The following ATRN variants were observed in gnomAD, a reference collection of about 807,000 sequenced individuals.
The protein encoded by ATRN is attractin-2.
A neutral mutation model predicts 178.7 loss-of-function variants in ATRN; 54 were observed. The observed-to-expected ratio is 0.30, with a 90% CI of 0.24 to 0.38. ATRN has a LOEUF of 0.38. Ranked by LOEUF, ATRN falls within the 10% of genes least tolerant of loss-of-function variation. The pLI, the probability that ATRN is intolerant of heterozygous loss-of-function variation, is 1.00. For synonymous variants in ATRN, 636 were observed against 663.0 expected, an observed-to-expected ratio of 0.96 and a Z score of 0.63; for missense variants, 1,443 against 1,815.1, an observed-to-expected ratio of 0.79 and a Z score of 3.73.
In ATRN at chr20:3,583,921, C is replaced by T. The variant is rs763285063; in HGVS notation, c.2788C>T (p.Arg930Trp). ...AGCAAACCACAGTGCTAAGCAGTGCCGGACACCATGTGCCTTGAGGACAGC... is the reference window on the plus strand; with the variant it reads ...AGCAAACCACAGTGCTAAGCAGTGCTGGACACCATGTGCCTTGAGGACAGC... ...RPANHSAKQCRTPCALRTACG... is the reference protein window; with the variant it reads ...RPANHSAKQCWTPCALRTACG... Residue 930 changes from arginine (R) to tryptophan (W), a missense_variant, in exon 17 of 29, where the codon CGG becomes TGG. Physicochemically the swap from Arg to Trp is moderately radical, Grantham distance 101 (BLOSUM62 -3). Coordinates refer to ENST00000262919, the MANE Select transcript of ATRN (RefSeq NM_139321.3). 6.2e-6 allele frequency: 10 copies of T among 1,614,060 alleles called. No individual in the cohort carries two copies. The highest frequency in any genetic ancestry group is 1.7e-5 in the Admixed American group (1 of 60,006).
At chr20:3,528,110 C>G (rs538489363) in intron 1 of ATRN, among the ~76,000 whole-genome samples, 1 of 152,038 alleles carries the variant, frequency 6.6e-6, no homozygotes, top group Non-Finnish European at 1.5e-5. Flanking sequence ...GTGGCTCACA[C>G]CTGTAATCCC....
intron 1 of ATRN, among the ~76,000 whole-genome samples, chr20:3,509,706 G>A (rs781548487): frequency 2.6e-5 from 4 of 152,036 alleles, no homozygotes; most frequent in Admixed American, 6.6e-5. Context: ...GTTTTGCCAC[G>A]TTGGCCAGGC....
At chr20:3,594,218 G>T (rs1216277944) in intron 19 of ATRN, among the ~76,000 whole-genome samples, 1 of 152,186 alleles carries the variant, frequency 6.6e-6, no homozygotes, top group Non-Finnish European at 1.5e-5. Context: ...CTATTGAAAA[G>T]ATCAAAATAG....
chr20:3,527,904 A>C, intron 1 of ATRN, among the ~76,000 whole-genome samples: 2 of 138,754 alleles, frequency 1.4e-5, no homozygotes, highest in African/African-American at 2.7e-5. Flanking sequence ...AACATCGCAT[A>C]CTGGGGCCTG....
intron 1 of ATRN, among the ~76,000 whole-genome samples, chr20:3,508,260 T>C (rs2085075562): frequency 6.7e-6 from 1 of 149,060 alleles, no homozygotes; most frequent in South Asian, 2.1e-4. Context: ...TTATAAACAA[T>C]GGAAACCCAA....
At chr20:3,635,838 CAT>C (rs932185670) in intron 26 of ATRN, among the ~76,000 whole-genome samples, 2 of 152,046 alleles carry the variant, frequency 1.3e-5, no homozygotes, top group African/African-American at 4.8e-5. Flanking sequence ...AAGTGGATAA[CAT>C]ATTCAAAGGG....
chr20:3,541,029 T>G lies in ATRN; in HGVS notation c.608+694T>G, dbSNP rs534445753. On this transcript the variant is annotated intron_variant, in intron 3 of 28. Coordinates refer to ENST00000262919, the MANE Select transcript of ATRN (RefSeq NM_139321.3). The stretch of plus-strand genomic sequence containing the variant: ...TTGTTTATTATGTTTTTGGCCACAT[T>G]GGAATTCAAAACTATCTCTAGTTTT... 4.0e-5 allele frequency among the ~76,000 whole-genome samples: 6 copies of G among 151,822 alleles called. No homozygotes were observed. In the East Asian group the frequency reaches 5.8e-4, roughly 15 times the overall value.
intron 5 of ATRN, 138 bp downstream of exon 5, chr20:3,547,627 C>A (rs112144103): frequency 4.0e-6 from 3 of 759,300 alleles, no homozygotes; most frequent in Non-Finnish European, 6.2e-6. Context: ...CTTGAAACAT[C>A]CCTCTATCTA....
chr20:3,629,239 A>C, intron 25 of ATRN: 1 of 985,352 alleles, frequency 1.0e-6, no homozygotes, highest in Non-Finnish European at 1.2e-6. Flanking sequence ...TTTAAAGATC[A>C]TGTATCTAGC....
chr20:3,623,059 C>T (rs372039500), intron 24 of ATRN, among the ~76,000 whole-genome samples: 14 of 152,214 alleles, frequency 9.2e-5, no homozygotes, highest in Admixed American at 3.3e-4. Context: ...ACACACTTAA[C>T]GTTTTAAAAG....
chr20:3,628,575 C>T (rs1248045375), intron 25 of ATRN, among the ~76,000 whole-genome samples: 3 of 152,148 alleles, frequency 2.0e-5, no homozygotes, highest in Non-Finnish European at 1.5e-5. Context: ...GTATCCACGC[C>T]CCTATGCTAC....
intron 1 of ATRN, among the ~76,000 whole-genome samples, chr20:3,512,107 A>ATATATATATATATATATATATATATATT: frequency 9.4e-6 from 1 of 106,402 alleles, no homozygotes; most frequent in Non-Finnish European, 1.8e-5. Flanking sequence ...ATATATATAT[A>ATATATATATATATATATATATATATATT]TTTTTTTTTT....
At chr20:3,580,107 G>C (rs2086262715) in intron 15 of ATRN, among the ~76,000 whole-genome samples, 2 of 152,202 alleles carry the variant, frequency 1.3e-5, no homozygotes, top group Admixed American at 1.3e-4. Context: ...ATTGGTGACT[G>C]TCTCTGTTGT....
chr20:3,579,831 GC>G (rs1245037644), intron 15 of ATRN, among the ~76,000 whole-genome samples: 9 of 152,280 alleles, frequency 5.9e-5, no homozygotes, highest in African/African-American at 1.4e-4. Flanking sequence ...CTTGGGTACA[GC>G]CTCCTTCATG....
At chr20:3,559,568 G>A in intron 7 of ATRN, 85 bp downstream of exon 7, 2 of 1,149,588 alleles carry the variant, frequency 1.7e-6, no homozygotes, top group East Asian at 2.4e-5. Context: ...AGCTACCTCA[G>A]TGTTGGTTTT....
At position 3,576,018 on chromosome 20, in the gene ATRN, A is replaced by T. The variant is rs955921943; in HGVS notation, c.2214+70A>T. The T allele has an allele frequency of 2.7e-6, 4 of 1,480,266 alleles. No individual in the cohort carries two copies. The Admixed American group carries it at 9.1e-5, about 34-fold the overall frequency. 91.7% of individuals were successfully genotyped at this position (1,480,266 alleles called of 1,614,324 possible). The stretch of plus-strand genomic sequence containing the variant: ...CATAGGTTTAGCTTTTATAGTGTAT[A>T]TGGTATAAATAATGGCCCAGAGTTA... On this transcript the variant is annotated intron_variant, in intron 13 of 28. Coordinates refer to ENST00000262919, the MANE Select transcript of ATRN (RefSeq NM_139321.3).
In ATRN at chr20:3,478,399, T is replaced by C. The variant is rs542544901; in HGVS notation, c.410+6882T>C. ...GCAGCCATAAAAAATGGTGAGTTCATGTTCTTTGCAGGGACATGGATGAAG... is the reference window on the plus strand; with the variant it reads ...GCAGCCATAAAAAATGGTGAGTTCACGTTCTTTGCAGGGACATGGATGAAG... On this transcript the variant is annotated intron_variant, in intron 1 of 28. Coordinates refer to ENST00000262919, the MANE Select transcript of ATRN (RefSeq NM_139321.3). Among the ~76,000 whole-genome samples, 412 of 152,308 alleles carry C rather than the reference T, an allele frequency of 2.7e-3. 5 individuals carry two copies. Among genetic ancestry groups the C allele is most frequent in the African/African-American group, 9.5e-3 (395 of 41,558 alleles).
chr20:3,621,456 C>T (rs539505045), intron 24 of ATRN, among the ~76,000 whole-genome samples: 16 of 152,238 alleles, frequency 1.1e-4, no homozygotes, highest in African/African-American at 3.9e-4. Context: ...CCAGAAGGCC[C>T]ATGGGGCAGA....
chr20:3,551,073 C>G (rs2085780141), intron 6 of ATRN, among the ~76,000 whole-genome samples: 1 of 152,224 alleles, frequency 6.6e-6, no homozygotes, highest in Non-Finnish European at 1.5e-5. Flanking sequence ...CACCCAGTCA[C>G]CTGATGCTGT....
Sources: allele counts gnomAD v4.1 joint callset (sites outside exome capture counted in the v4.1 genomes callset), GRCh38; gene constraint gnomAD v4.1.1; transcripts MANE v1.5; gene names NCBI Gene and HGNC (gene_info 2026-07-23, HGNC 2026-07-21).